The following GFRA3 variants were observed in gnomAD, a reference collection of about 807,000 sequenced individuals.
GFRA3 encodes the protein GDNF family receptor alpha 3.
A neutral mutation model predicts 40.0 loss-of-function variants in GFRA3; 24 were observed. The observed-to-expected ratio is 0.60, with a 90% CI of 0.43 to 0.84. The LOEUF (loss-of-function observed/expected upper bound fraction) is 0.84. GFRA3 is among the 40% of genes least tolerant of loss of function. The pLI is 0.00. For synonymous variants in GFRA3, 203 were observed against 213.5 expected, an observed-to-expected ratio of 0.95 and a Z score of 0.43; for missense variants, 405 against 530.6, an observed-to-expected ratio of 0.76 and a Z score of 2.33.
At chr5:138,267,621 C>A in intron 1 of GFRA3, 1 of 212,492 alleles carries the variant, frequency 4.7e-6, no homozygotes, top group South Asian at 8.6e-5. Context: ...AGTTGCTTGC[C>A]AGCAAAGATC....
intron 7 of GFRA3, 57 bp from the exon 8 acceptor site, chr5:138,253,114 C>A: frequency 5.1e-6 from 5 of 988,100 alleles, no homozygotes; most frequent in Non-Finnish European, 8.0e-6. Context: ...CCTTTCACTA[C>A]CTCAGCCTCA....
At chr5:138,261,239 G>C (rs1434511294) in intron 2 of GFRA3, among the ~76,000 whole-genome samples, 1 of 152,198 alleles carries the variant, frequency 6.6e-6, no homozygotes, top group Non-Finnish European at 1.5e-5. Flanking sequence ...GAATGAGTTT[G>C]TACTGTTAGG....
intron 1 of GFRA3, among the ~76,000 whole-genome samples, chr5:138,267,340 C>T (rs972360504): frequency 7.2e-5 from 11 of 151,918 alleles, no homozygotes; most frequent in Non-Finnish European, 1.2e-4. Context: ...TACAGGCATG[C>T]GCCACCACAC....
At chr5:138,269,095 A>T (rs1755828881) in intron 1 of GFRA3, among the ~76,000 whole-genome samples, 1 of 152,086 alleles carries the variant, frequency 6.6e-6, no homozygotes, top group Non-Finnish European at 1.5e-5. Flanking sequence ...TGTGATACCA[A>T]CTTACTACTT....
At chr5:138,253,398 A>C in intron 6 of GFRA3, 23 bp from the exon 7 acceptor site, 15 of 1,440,276 alleles carry the variant, frequency 1.0e-5, no homozygotes, top group Non-Finnish European at 1.2e-5. Flanking sequence ...GAGAAGGCTC[A>C]TTGGAAGGGT....
At chr5:138,260,002 G>A (rs905722008) in intron 2 of GFRA3, among the ~76,000 whole-genome samples, 1 of 151,912 alleles carries the variant, frequency 6.6e-6, no homozygotes, top group African/African-American at 2.4e-5. Context: ...AAGCCTCTGA[G>A]GAAGTTCGGA....
At chr5:138,265,170 T>C (rs1755765228) in intron 1 of GFRA3, among the ~76,000 whole-genome samples, 2 of 147,422 alleles carry the variant, frequency 1.4e-5, no homozygotes, top group South Asian at 4.4e-4. Context: ...AACATCATCA[T>C]CTCACTAGCT....
chr5:138,261,602 G>A (rs2126615294), intron 2 of GFRA3, among the ~76,000 whole-genome samples: 1 of 148,328 alleles, frequency 6.7e-6, no homozygotes, highest in African/African-American at 2.5e-5. Context: ...GCTGAGGCAG[G>A]AGAATCGCTT....
At chr5:138,272,533 C>T (rs1299951222) in intron 1 of GFRA3, among the ~76,000 whole-genome samples, 4 of 150,648 alleles carry the variant, frequency 2.7e-5, no homozygotes, top group Non-Finnish European at 5.9e-5. Flanking sequence ...GTCCCAGCTA[C>T]TGGGGAGGCT....
intron 6 of GFRA3, 90 bp downstream of exon 6, chr5:138,253,676 A>C: frequency 8.0e-7 from 1 of 1,243,256 alleles, no homozygotes. Flanking sequence ...GATGGATGGA[A>C]CCAGCCTGGG....
rs988576594 is a variant in GFRA3 at position 138,274,451 on chromosome 5, G to A, written c.-27C>T. 9 of 1,283,712 alleles carry A rather than the reference G, an allele frequency of 7.0e-6. No homozygotes were observed. Among genetic ancestry groups the A allele is most frequent in the South Asian group, 5.2e-5 (2 of 38,114 alleles). 79.5% of individuals were successfully genotyped at this position (1,283,712 alleles called of 1,614,324 possible). On this transcript the variant is annotated 5_prime_UTR_variant, in exon 1 of 8. Coordinates refer to ENST00000274721, the MANE Select transcript of GFRA3 (RefSeq NM_001496.4). ...GCGAGCTGTAGGCGCCGGGCTCCGC[G>A]CTCCCCTCGCTCCTCCCCTGGAGCT...
intron 4 of GFRA3, among the ~76,000 whole-genome samples, chr5:138,254,947 AAAAG>A (rs1408567674): frequency 6.6e-6 from 1 of 151,980 alleles, no homozygotes; most frequent in East Asian, 1.9e-4. Context: ...GAAAGAAAAA[AAAAG>A]AAAGAGAAAG....
chr5:138,259,710 C>G, intron 2 of GFRA3, 61 bp from the exon 3 acceptor site: 2 of 799,008 alleles, frequency 2.5e-6, no homozygotes, highest in South Asian at 2.7e-5. Flanking sequence ...GCTGGAGGGG[C>G]TGAAGCTGCT....
intron 6 of GFRA3, 65 bp downstream of exon 6, chr5:138,253,701 C>T (rs1341434634): frequency 5.3e-6 from 8 of 1,521,452 alleles, no homozygotes; most frequent in East Asian, 2.3e-5. Context: ...AGAGTCGACC[C>T]TTTTCCTTCC....
intron 4 of GFRA3, 35 bp downstream of exon 4, chr5:138,257,604 C>T (rs1297617015): frequency 1.3e-6 from 2 of 1,565,220 alleles, no homozygotes; most frequent in South Asian, 1.1e-5. Flanking sequence ...GCGTGTGCCT[C>T]ATCCCTGCCC....
At chr5:138,274,075 G>A (rs551577933) in intron 1 of GFRA3, among the ~76,000 whole-genome samples, 3 of 152,238 alleles carry the variant, frequency 2.0e-5, no homozygotes, top group Admixed American at 2.0e-4. Context: ...AGAGGGAAGA[G>A]GGGGGAAAAA....
At chr5:138,261,498 A>T (rs1407315107) in intron 2 of GFRA3, among the ~76,000 whole-genome samples, 3 of 152,096 alleles carry the variant, frequency 2.0e-5, no homozygotes, top group Admixed American at 2.0e-4. Flanking sequence ...GTTCAAGACC[A>T]GCCTGACCAA....
At chr5:138,259,763 C>T (rs1273060508) in intron 2 of GFRA3, 114 bp from the exon 3 acceptor site, 4 of 731,672 alleles carry the variant, frequency 5.5e-6, no homozygotes, top group South Asian at 1.4e-5. Flanking sequence ...AAAAGCACAG[C>T]CTCTACCTAA....
intron 1 of GFRA3, among the ~76,000 whole-genome samples, chr5:138,265,503 C>A (rs983493420): frequency 2.6e-5 from 4 of 152,168 alleles, no homozygotes; most frequent in African/African-American, 7.2e-5. Flanking sequence ...CAGGCGTGAG[C>A]CACCGCGCCT....
Sources: allele counts gnomAD v4.1 joint callset (sites outside exome capture counted in the v4.1 genomes callset), GRCh38; gene constraint gnomAD v4.1.1; transcripts MANE v1.5; gene names NCBI Gene and HGNC (gene_info 2026-07-23, HGNC 2026-07-21).